The following USH1C variants were observed in gnomAD, a reference collection of about 807,000 sequenced individuals.
USH1C encodes harmonin.
USH1C carries 90 observed loss-of-function variants against 119.3 expected under a neutral mutation model. The observed-to-expected ratio is 0.75, with a 90% CI of 0.64 to 0.90. The LOEUF (loss-of-function observed/expected upper bound fraction) is 0.90, where lower values mean the gene tolerates loss of function less well. Among genes scored for constraint, USH1C ranks in the 40% least tolerant of loss-of-function variants. The pLI is 0.00. For missense variants in USH1C, 1,165 were observed against 1,167.7 expected (o/e 1.00, Z 0.03); for synonymous variants, 465 against 443.3 (o/e 1.05, Z -0.62).
Position 17,494,058 on chromosome 11 carries a change from G to C in USH1C, c.*274C>G. On this transcript the variant is annotated 3_prime_UTR_variant, in exon 27 of 27. Coordinates refer to ENST00000005226, the MANE Select transcript of USH1C (RefSeq NM_153676.4). The stretch of plus-strand genomic sequence containing the variant: ...GAAGGAGTCCCCCAGAGCTGGGAGA[G>C]ACCAAATTCACTGGGCCAGAGGAAA... 1 of 522,672 alleles carries C rather than the reference G, an allele frequency of 1.9e-6. No individual in the cohort carries two copies. The highest frequency in any genetic ancestry group is 2.1e-5 in the South Asian group (1 of 48,620). The allele number at this position is 522,672 out of a possible 1,614,324, so 32.4% of individuals were successfully genotyped here.
At chr11:17,500,436 T>C (rs898978463) in intron 23 of USH1C, among the ~76,000 whole-genome samples, 1 of 152,196 alleles carries the variant, frequency 6.6e-6, no homozygotes, top group African/African-American at 2.4e-5. Flanking sequence ...AGGGTTGTTG[T>C]GAGGATTAAG....
rs761982615 is a variant in USH1C, at chr11:17,511,918, T to A, written c.1397A>T (p.Asn466Ile). Reference protein sequence around the residue: ...MLEKEKQLKINRLAQEVSETE... With the variant: ...MLEKEKQLKIIRLAQEVSETE... Reference sequence around the variant, plus strand: ...GACACATACCTCCTGGGCCAGCCGGTTGATCTTTAGCTGCTTTTCCTTCTC... The same window carrying A: ...GACACATACCTCCTGGGCCAGCCGGATGATCTTTAGCTGCTTTTCCTTCTC... Residue 466 changes from asparagine (N) to isoleucine (I), a missense_variant, in exon 16 of 27, where the codon AAC becomes ATC. Transcript: ENST00000005226. 2.5e-6 allele frequency: 4 copies of A among 1,613,922 alleles called. No homozygotes were observed. The highest frequency in any genetic ancestry group is 3.4e-6 in the Non-Finnish European group (4 of 1,179,954).
intron 14 of USH1C, among the ~76,000 whole-genome samples, chr11:17,519,728 G>A (rs545068387): frequency 2.2e-4 from 33 of 152,302 alleles, no homozygotes; most frequent in African/African-American, 7.2e-4. Context: ...CTTCTGAGAG[G>A]ACCAGGAGAT....
chr11:17,543,828 C>CAG (rs994065081), intron 1 of USH1C, among the ~76,000 whole-genome samples: 1 of 152,208 alleles, frequency 6.6e-6, no homozygotes. Context: ...GGTCAAAAGG[C>CAG]AGAGAGAGAG....
rs1194595183 is a variant in USH1C, at chr11:17,531,805, G to A, written c.105-263C>T. Among the ~76,000 whole-genome samples, 2 of 152,184 alleles carry A rather than the reference G, an allele frequency of 1.3e-5. No individual in the cohort carries two copies. Among genetic ancestry groups the A allele is most frequent in the Middle Eastern group, 3.2e-3 (1 of 314 alleles). On this transcript the variant is annotated intron_variant, in intron 2 of 26. Transcript: ENST00000005226. This position sits in a 1 kb window ranked among gnomAD's most constrained non-coding sequence, Gnocchi z 4.2. ...ATGAAGCCAGGATTTCAAACTCAGCGCTGCCTATCTCGGCTGTTGGGATCT... is the reference window on the plus strand; with the variant it reads ...ATGAAGCCAGGATTTCAAACTCAGCACTGCCTATCTCGGCTGTTGGGATCT...
intron 16 of USH1C, 79 bp downstream of exon 16, chr11:17,511,823 C>T: frequency 6.6e-7 from 1 of 1,522,324 alleles, no homozygotes; most frequent in Non-Finnish European, 8.9e-7. Context: ...ACAACTCCAG[C>T]TGGTCCTCTG....
chr11:17,538,475 C>T (rs1450841175), intron 1 of USH1C, among the ~76,000 whole-genome samples: 1 of 152,108 alleles, frequency 6.6e-6, no homozygotes. Context: ...TAGGTGTGCA[C>T]CCAGCCAAAC....
At chr11:17,519,875 T>C (rs1336987786) in intron 14 of USH1C, among the ~76,000 whole-genome samples, 1 of 152,186 alleles carries the variant, frequency 6.6e-6, no homozygotes, top group African/African-American at 2.4e-5. Flanking sequence ...GACATTCCCA[T>C]AGGTCTCATA....
intron 15 of USH1C, 48 bp downstream of exon 15, chr11:17,516,193 C>T (rs1412908853): frequency 6.8e-6 from 11 of 1,609,992 alleles, no homozygotes; most frequent in Non-Finnish European, 9.3e-6. Context: ...AGCCAAAACC[C>T]ACAGCAAACT....
At chr11:17,521,299 G>T in intron 13 of USH1C, 47 bp downstream of exon 13, 1 of 1,601,506 alleles carries the variant, frequency 6.2e-7, no homozygotes, top group Non-Finnish European at 8.6e-7. Flanking sequence ...ACTCCCCTGA[G>T]CACACTGATG....
At chr11:17,509,317 T>C in intron 18 of USH1C, 39 bp downstream of exon 18, 1 of 1,531,866 alleles carries the variant, frequency 6.5e-7, no homozygotes, top group Non-Finnish European at 8.8e-7. Flanking sequence ...TCCCCACTCT[T>C]CCTACTTCCA....
At chr11:17,525,117 T>C (rs1057114288) in intron 8 of USH1C, among the ~76,000 whole-genome samples, 12 of 152,044 alleles carry the variant, frequency 7.9e-5, no homozygotes, top group Admixed American at 7.9e-4. Flanking sequence ...CCTAGATTGG[T>C]GGCAGAAGTC....
At chr11:17,525,858 C>T (rs1850644190) in intron 8 of USH1C, among the ~76,000 whole-genome samples, 1 of 152,156 alleles carries the variant, frequency 6.6e-6, no homozygotes, top group African/African-American at 2.4e-5. Context: ...GACCCTCTGG[C>T]CCTAAAGGCC....
chr11:17,508,817 G>A (rs1034524855), intron 18 of USH1C, among the ~76,000 whole-genome samples: 1 of 152,146 alleles, frequency 6.6e-6, no homozygotes. Context: ...AGTGCAGTTG[G>A]CCAGTACTGT....
chr11:17,527,124 G>A (rs1361507972), intron 5 of USH1C, 84 bp from the exon 6 acceptor site: 6,944 of 605,054 alleles, frequency 0.011, 135 homozygotes, highest in South Asian at 0.088. Flanking sequence ...CTGCTCCCCC[G>A]CCCTCCCTCC....
At position 17,510,376 on chromosome 11, in the gene USH1C, G is replaced by A. The variant is rs1363005215; in HGVS notation, c.1530+29C>T. 4.5e-6 allele frequency: 7 copies of A among 1,562,908 alleles called. No homozygotes were observed. The Admixed American group carries it at 1.2e-4, about 26-fold the overall frequency. On this transcript the variant is annotated intron_variant, in intron 17 of 26. Coordinates refer to ENST00000005226, the MANE Select transcript of USH1C (RefSeq NM_153676.4). The stretch of plus-strand genomic sequence containing the variant: ...TGGGTCATTCTGAAGACAGCAGGAG[G>A]GTCTATGTGGAAAGAAGGGCTCTGT...
intron 2 of USH1C, among the ~76,000 whole-genome samples, chr11:17,532,435 C>T (rs1471898972): frequency 4.6e-5 from 7 of 152,062 alleles, no homozygotes; most frequent in African/African-American, 1.4e-4. Context: ...GTAGCTGGGA[C>T]TACAGGCACG....
chr11:17,495,522 C>A (rs1174285018), intron 26 of USH1C, 47 bp downstream of exon 26: 12 of 1,589,938 alleles, frequency 7.5e-6, no homozygotes, highest in Non-Finnish European at 1.0e-5. Flanking sequence ...ATGGCCACTG[C>A]AAGCAGCAGG....
intron 20 of USH1C, 61 bp from the exon 21 acceptor site, chr11:17,502,041 G>A: frequency 6.4e-7 from 1 of 1,551,260 alleles, no homozygotes; most frequent in Non-Finnish European, 8.8e-7. Context: ...TCAGAGCCGA[G>A]GAGTAGGGGG....
Sources: allele counts gnomAD v4.1 joint callset (sites outside exome capture counted in the v4.1 genomes callset), GRCh38; gene constraint gnomAD v4.1.1; non-coding constraint Gnocchi (gnomAD v3.1); transcripts MANE v1.5; gene names NCBI Gene and HGNC (gene_info 2026-07-23, HGNC 2026-07-21).